The following KLRG1 variants were observed in gnomAD, a reference collection of about 807,000 sequenced individuals.
KLRG1 encodes the protein killer cell lectin-like receptor subfamily G member 1.
A neutral mutation model predicts 21.8 loss-of-function variants in KLRG1; 16 were observed. That is an observed-to-expected ratio of 0.73 (90% confidence interval 0.50 to 1.11). The LOEUF is 1.11. Ranked by LOEUF, KLRG1 falls within the 50% of genes most tolerant of loss-of-function variation. KLRG1 has a pLI of 0.00. For missense variants in KLRG1, 173 were observed against 218.3 expected (o/e 0.79, Z 1.31); for synonymous variants, 69 against 75.9 (o/e 0.91, Z 0.47).
At chr12:9,079,690 G>A in the KLRG1 span, 4 of 1,613,774 alleles carry the variant, frequency 2.5e-6, no homozygotes, top group Admixed American at 6.7e-5. Flanking sequence ...GTAAGCTGCT[G>A]TGTTTCATTT....
At chr12:9,047,055 A>G in the KLRG1 span, among the ~76,000 whole-genome samples, 1 of 152,126 alleles carries the variant, frequency 6.6e-6, no homozygotes, top group Non-Finnish European at 1.5e-5. Context: ...AACTCTTGCT[A>G]TGTTGCCCAG....
the KLRG1 span, among the ~76,000 whole-genome samples, chr12:9,021,734 C>T: frequency 2.6e-5 from 4 of 152,054 alleles, no homozygotes; most frequent in Non-Finnish European, 5.9e-5. Flanking sequence ...TAAGCATGCA[C>T]ATTAGCCTCG....
intron 1 of KLRG1, among the ~76,000 whole-genome samples, chr12:8,960,339 G>A (rs1592236434): frequency 6.6e-6 from 1 of 152,274 alleles, no homozygotes; most frequent in East Asian, 1.9e-4. Flanking sequence ...CAAAGAGTGA[G>A]CTCTAGATAA....
At chr12:9,186,467 A>T in the KLRG1 span, among the ~76,000 whole-genome samples, 12 of 152,304 alleles carry the variant, frequency 7.9e-5, no homozygotes, top group Non-Finnish European at 1.6e-4. Flanking sequence ...GGCAAGCCAG[A>T]TGAAGAAGCA....
the KLRG1 span, among the ~76,000 whole-genome samples, chr12:9,141,392 G>T: frequency 6.6e-6 from 1 of 152,084 alleles, no homozygotes; most frequent in East Asian, 1.9e-4. Flanking sequence ...ACATTTACCC[G>T]ATTTTAATGT....
intron 3 of KLRG1, among the ~76,000 whole-genome samples, chr12:9,003,063 C>T (rs1172298417): frequency 6.6e-6 from 1 of 151,920 alleles, no homozygotes; most frequent in Non-Finnish European, 1.5e-5. Flanking sequence ...CCAGCCTCAC[C>T]AATGAGAAGT....
chr12:9,017,264 C>CAAAAAAAA, the KLRG1 span, among the ~76,000 whole-genome samples: 13 of 53,126 alleles, frequency 2.4e-4, no homozygotes, highest in African/African-American at 3.2e-4. Flanking sequence ...AACTCCATCT[C>CAAAAAAAA]AAAAAAAAAA....
chr12:9,091,207 G>A, the KLRG1 span: 1 of 1,613,502 alleles, frequency 6.2e-7, no homozygotes, highest in Admixed American at 1.7e-5. Context: ...TTACCCGGAT[G>A]CATTTGGGAA....
chr12:9,196,392 A>G, the KLRG1 span: 21 of 1,613,836 alleles, frequency 1.3e-5, no homozygotes, highest in Non-Finnish European at 1.6e-5. Flanking sequence ...TTGAGTTTGG[A>G]TACAATGTTT....
chr12:9,143,983 C>G, the KLRG1 span, among the ~76,000 whole-genome samples: 1 of 152,202 alleles, frequency 6.6e-6, no homozygotes, highest in Non-Finnish European at 1.5e-5. Context: ...TGGGTGTCCC[C>G]AAGATTTCTT....
the KLRG1 span, chr12:9,152,939 ATTTC>A: frequency 2.5e-6 from 4 of 1,614,070 alleles, no homozygotes; most frequent in East Asian, 8.9e-5. Flanking sequence ...AGAATATTGT[ATTTC>A]ATGGATGTCT....
At chr12:9,158,752 C>CTTTTTTTTTTTTTTTTTTTTTTTT in the KLRG1 span, among the ~76,000 whole-genome samples, 18 of 97,812 alleles carry the variant, frequency 1.8e-4, no homozygotes, top group Non-Finnish European at 2.8e-4. Context: ...TTTTTCTTTT[C>CTTTTTTTTTTTTTTTTTTTTTTTT]TTTTCTTTTT....
At chr12:9,001,676 T>C (rs755500181) in intron 3 of KLRG1, among the ~76,000 whole-genome samples, 13 of 152,318 alleles carry the variant, frequency 8.5e-5, no homozygotes, top group Admixed American at 5.2e-4. Flanking sequence ...CCCTAATAGA[T>C]GCTTTGCACA....
rs59760555 is a variant in KLRG1, at chr12:8,973,163, G to GAA, written c.-155-19018_-155-19017dup. On this transcript the variant is annotated intron_variant, in intron 1 of 4. Transcript: ENST00000539240. ...GACAGAGCGAGACTCCATCTCAAAA[G>GAA]AAAAAAAAAAAAAAAAAAAAAAAAA... is the stretch of plus-strand genomic sequence containing the variant. Among the ~76,000 whole-genome samples the GAA allele has an allele frequency of 1.3e-3, 125 of 97,036 alleles. 6 individuals are homozygous for GAA. The highest frequency in any genetic ancestry group is 5.1e-3 in the African/African-American group (116 of 22,580). 63.7% of individuals were successfully genotyped at this position (97,036 alleles called of 152,430 possible). A position where few individuals can be genotyped will look rare whatever the true frequency, so the allele number is the denominator to read the frequency against.
chr12:9,102,160 C>T, the KLRG1 span, among the ~76,000 whole-genome samples: 1 of 152,164 alleles, frequency 6.6e-6, no homozygotes, highest in African/African-American at 2.4e-5. Context: ...GGTTTAAGAG[C>T]TGAGCTGATG....
chr12:9,007,423 A>AT (rs944159438), intron 3 of KLRG1, among the ~76,000 whole-genome samples: 2 of 151,882 alleles, frequency 1.3e-5, no homozygotes, highest in African/African-American at 4.8e-5. Context: ...ACCATGCCTA[A>AT]TTTTTTATTT....
chr12:9,192,430 G>T, the KLRG1 span: 1 of 1,392,462 alleles, frequency 7.2e-7, no homozygotes, highest in South Asian at 1.2e-5. Flanking sequence ...TGTGCAAGTA[G>T]TTTATTTTGA....
chr12:9,051,747 C>T, the KLRG1 span, among the ~76,000 whole-genome samples: 1 of 152,140 alleles, frequency 6.6e-6, no homozygotes. Flanking sequence ...TTTCTCTAGC[C>T]TCACTTTTTA....
At chr12:9,171,703 A>G in the KLRG1 span, among the ~76,000 whole-genome samples, 4 of 152,254 alleles carry the variant, frequency 2.6e-5, no homozygotes, top group African/African-American at 9.6e-5. Flanking sequence ...AATCACAAGT[A>G]TCAGTAGCAG....
Sources: gnomAD v4.1 joint callset for allele counts (sites outside exome capture counted in the v4.1 genomes callset) on GRCh38, gnomAD v4.1.1 for gene constraint, MANE v1.5 for transcripts, NCBI Gene and HGNC (gene_info 2026-07-23, HGNC 2026-07-21) for gene names.